Variants in KIAA0825 observed in about 807,000 individuals in gnomAD.
The protein encoded by KIAA0825 is KIAA0825.
Under a neutral mutation model 147.6 loss-of-function variants are expected in KIAA0825, and 119 were observed. The ratio of observed to expected loss-of-function variants is 0.81; its 90% CI spans 0.69 to 0.94. The LOEUF (loss-of-function observed/expected upper bound fraction) is 0.94. Ranked by LOEUF, KIAA0825 falls within the 40% of genes least tolerant of loss-of-function variation. The probability of loss-of-function intolerance (pLI) is 0.00; values close to 1 mark genes in which losing one functional copy is unlikely to be tolerated. For synonymous variants in KIAA0825, 470 were observed against 518.1 expected (o/e 0.91, Z 1.26); for missense variants, 1,381 against 1,472.7 (o/e 0.94, Z 1.02).
chr5:94,281,869 ATT>A (rs1407343578), intron 20 of KIAA0825, among the ~76,000 whole-genome samples: 1 of 151,822 alleles, frequency 6.6e-6, no homozygotes, highest in African/African-American at 2.4e-5. Context: ...ATGTTTTGCT[ATT>A]TTTCTCTCTT....
In KIAA0825 at chr5:94,227,681, A is replaced by C. The variant is rs544735362; in HGVS notation, c.3711-73557T>G. ...GTTCATGTCCTTTGCAGGGACATGG[A>C]TGAAGCTGGAAACCATCATTCTCTG... On this transcript the variant is annotated intron_variant, in intron 20 of 20. Coordinates refer to ENST00000682413, the MANE Select transcript of KIAA0825 (RefSeq NM_001145678.3). Among the ~76,000 whole-genome samples, 14 of 152,216 alleles carry C rather than the reference A, an allele frequency of 9.2e-5. No homozygotes were observed. In the South Asian group the frequency reaches 2.9e-3, roughly 32 times the overall value.
At chr5:94,231,176 G>A (rs1388711461) in intron 20 of KIAA0825, among the ~76,000 whole-genome samples, 1 of 152,092 alleles carries the variant, frequency 6.6e-6, no homozygotes, top group Non-Finnish European at 1.5e-5. Context: ...TTAAAAGGGG[G>A]AACTGTAAAA....
At chr5:94,263,649 G>T (rs919336719) in intron 20 of KIAA0825, among the ~76,000 whole-genome samples, 1 of 150,582 alleles carries the variant, frequency 6.6e-6, no homozygotes, top group African/African-American at 2.4e-5. Context: ...TTTCTTCAAT[G>T]TCTCTCTCTC....
chr5:94,311,048 G>A (rs1370042973), intron 20 of KIAA0825, among the ~76,000 whole-genome samples: 1 of 151,582 alleles, frequency 6.6e-6, no homozygotes, highest in Non-Finnish European at 1.5e-5. Flanking sequence ...TAGAAAAATT[G>A]TAAATAGCAA....
chr5:94,292,610 C>G (rs139650777), intron 20 of KIAA0825, among the ~76,000 whole-genome samples: 2 of 152,118 alleles, frequency 1.3e-5, no homozygotes, highest in Non-Finnish European at 2.9e-5. Context: ...GTTTTGGTAT[C>G]AGGATGATGC....
At chr5:94,446,372 T>A (rs1235917043) in intron 13 of KIAA0825, among the ~76,000 whole-genome samples, 1 of 152,080 alleles carries the variant, frequency 6.6e-6, no homozygotes, top group Non-Finnish European at 1.5e-5. Flanking sequence ...TTATAAAAAC[T>A]CATTGAAAGA....
At chr5:94,292,507 G>C (rs1777943485) in intron 20 of KIAA0825, among the ~76,000 whole-genome samples, 1 of 152,058 alleles carries the variant, frequency 6.6e-6, no homozygotes, top group Non-Finnish European at 1.5e-5. Context: ...GATTCAGTTT[G>C]CAAGTATTTT....
intron 19 of KIAA0825, among the ~76,000 whole-genome samples, chr5:94,385,459 A>G (rs536776578): frequency 6.6e-6 from 1 of 152,308 alleles, no homozygotes; most frequent in Non-Finnish European, 1.5e-5. Flanking sequence ...GAATTAGGCC[A>G]TTGTTTTAAT....
chr5:94,474,254 G>C (rs769537034), intron 7 of KIAA0825, among the ~76,000 whole-genome samples: 2 of 152,120 alleles, frequency 1.3e-5, no homozygotes, highest in African/African-American at 2.4e-5. Flanking sequence ...TTGGTCTATG[G>C]CTCATAAGGC....
intron 20 of KIAA0825, among the ~76,000 whole-genome samples, chr5:94,283,891 A>G (rs1777561359): frequency 6.6e-6 from 1 of 152,122 alleles, no homozygotes; most frequent in Admixed American, 6.6e-5. Flanking sequence ...GGAATAATCT[A>G]CTGATTTTCT....
chr5:94,592,357 G>A (rs1220850118), intron 1 of KIAA0825, among the ~76,000 whole-genome samples: 1 of 152,094 alleles, frequency 6.6e-6, no homozygotes, highest in Non-Finnish European at 1.5e-5. Flanking sequence ...AATCTGGCAG[G>A]GCAGTCAAAT....
chr5:94,211,025 A>G (rs1772662711), intron 20 of KIAA0825, among the ~76,000 whole-genome samples: 2 of 152,172 alleles, frequency 1.3e-5, no homozygotes, highest in African/African-American at 4.8e-5. Context: ...CTACCCAGGA[A>G]TAAGAGAGAC....
At chr5:94,375,033 C>CTTTTTT (rs35435550) in intron 20 of KIAA0825, among the ~76,000 whole-genome samples, 1 of 130,494 alleles carries the variant, frequency 7.7e-6, no homozygotes, top group Non-Finnish European at 1.6e-5. Flanking sequence ...CTTTCCTTCT[C>CTTTTTT]TTTTTTTTTT....
chr5:94,404,433 T>G (rs1751783935), intron 15 of KIAA0825, among the ~76,000 whole-genome samples: 2 of 151,920 alleles, frequency 1.3e-5, no homozygotes, highest in South Asian at 4.1e-4. Context: ...GTTATATTTT[T>G]TCCTTCCTTT....
At chr5:94,424,399 TAAAC>T (rs1462459820) in intron 14 of KIAA0825, among the ~76,000 whole-genome samples, 1 of 151,994 alleles carries the variant, frequency 6.6e-6, no homozygotes, top group Non-Finnish European at 1.5e-5. Context: ...ACATAGAAAT[TAAAC>T]AACATCGTCC....
At chr5:94,449,122 A>G (rs1283905521) in intron 13 of KIAA0825, among the ~76,000 whole-genome samples, 1 of 152,180 alleles carries the variant, frequency 6.6e-6, no homozygotes, top group Non-Finnish European at 1.5e-5. Context: ...AACTGCATAA[A>G]CAAAGGCCTG....
At chr5:94,617,268 C>T (rs1262044440) in intron 1 of KIAA0825, among the ~76,000 whole-genome samples, 3 of 151,960 alleles carry the variant, frequency 2.0e-5, no homozygotes, top group South Asian at 4.2e-4. Flanking sequence ...ATACTTTCAA[C>T]TGGAGAAATA....
rs115849393 is a variant in KIAA0825, at chr5:94,600,977, C to A, written c.-153+17523G>T. On this transcript the variant is annotated intron_variant, in intron 1 of 20. Coordinates refer to ENST00000682413, the MANE Select transcript of KIAA0825 (RefSeq NM_001145678.3). ...TTGGCCGCCATCTTTGCTGTTTCAG[C>A]AACTTAGGTGTTTCAGCAACTTAGC... Among the ~76,000 whole-genome samples, 853 of 152,226 alleles carry A rather than the reference C, an allele frequency of 5.6e-3. 7 individuals carry two copies. Among genetic ancestry groups the A allele is most frequent in the African/African-American group, 0.019 (791 of 41,546 alleles).
intron 20 of KIAA0825, among the ~76,000 whole-genome samples, chr5:94,366,744 G>A (rs1437381692): frequency 1.3e-5 from 2 of 152,150 alleles, no homozygotes; most frequent in Non-Finnish European, 2.9e-5. Flanking sequence ...AATAGCACTT[G>A]GACATAAATT....
Sources: allele counts gnomAD v4.1 joint callset (sites outside exome capture counted in the v4.1 genomes callset), GRCh38; gene constraint gnomAD v4.1.1; transcripts MANE v1.5; gene names NCBI Gene and HGNC (gene_info 2026-07-23, HGNC 2026-07-21).